TBC1D30: variants seen among roughly 807,000 people sequenced by gnomAD.
TBC1D30 encodes TBC1 domain family, member 30.
A neutral mutation model predicts 63.2 loss-of-function variants in TBC1D30; 31 were observed. That is an observed-to-expected ratio of 0.49 (90% confidence interval 0.37 to 0.66). The LOEUF (loss-of-function observed/expected upper bound fraction) is 0.66, where lower values mean the gene tolerates loss of function less well. TBC1D30 is among the 30% of genes least tolerant of loss of function. TBC1D30 has a pLI of 0.00. For missense variants in TBC1D30, 810 were observed against 953.6 expected (o/e 0.85, Z 1.98); for synonymous variants, 307 against 361.5 (o/e 0.85, Z 1.71).
At position 64,799,078 on chromosome 12, in the gene TBC1D30, G is replaced by C. The variant is rs147707169; in HGVS notation, c.643+13033G>C. 1.2e-3 allele frequency among the ~76,000 whole-genome samples: 190 copies of C among 152,194 alleles called. 4 individuals carry two copies. In the East Asian group the frequency reaches 0.03, roughly 24 times the overall value. ...CCTGCCCGCCTCGGCCTCCCAAAGT[G>C]CTGGGATCAGGCACCTTTCTTAAGA... On this transcript the variant is annotated intron_variant, in intron 2 of 12. Coordinates refer to the TBC1D30 transcript ENST00000542120.
intron 2 of TBC1D30, among the ~76,000 whole-genome samples, chr12:64,817,619 T>C (rs567885843): frequency 7.2e-5 from 11 of 152,352 alleles, no homozygotes; most frequent in African/African-American, 2.2e-4. Context: ...TCTCTCTCCT[T>C]TTCCGGTACT....
In TBC1D30 at chr12:64,838,750, C is replaced by T. The variant is rs1875585854; in HGVS notation, c.831C>T (p.Cys277=). 3.3e-6 allele frequency: 5 copies of T among 1,536,398 alleles called. No homozygotes were observed. The highest frequency in any genetic ancestry group is 4.4e-6 in the Non-Finnish European group (5 of 1,147,000). ...GGTTTCTGACTCTCTTTGCCACATG[C>T]CTCCCTAATCAGACCGTTTTAAAGA... ...MQWFLTLFAT[C]LPNQTVLKIW... is the part of the protein sequence containing the mutation. The change falls in exon 7 of 12, where the codon TGC becomes TGT. Residue 277 remains cysteine, a synonymous_variant. Coordinates refer to ENST00000539867, the MANE Select transcript of TBC1D30 (RefSeq NM_015279.2).
chr12:64,869,751 T>C (rs1022517009), intron 10 of TBC1D30, among the ~76,000 whole-genome samples: 3 of 152,214 alleles, frequency 2.0e-5, no homozygotes, highest in Admixed American at 6.5e-5. Context: ...TTTAATTTTC[T>C]TCTCCTTACA....
At chr12:64,831,980 A>C in intron 4 of TBC1D30, 139 bp from the exon 5 acceptor site, 1 of 680,314 alleles carries the variant, frequency 1.5e-6, no homozygotes, top group Non-Finnish European at 2.2e-6. Flanking sequence ...ATTTTGGCTC[A>C]TATGTATAAA....
chr12:64,833,312 A>G (rs1252144513), intron 5 of TBC1D30, among the ~76,000 whole-genome samples: 10 of 152,166 alleles, frequency 6.6e-5, no homozygotes, highest in Non-Finnish European at 1.5e-4. Flanking sequence ...GAGATGGGGC[A>G]CTAGTGATTT....
intron 10 of TBC1D30, 141 bp from the exon 11 acceptor site, chr12:64,870,461 A>G (rs1878564198): frequency 1.5e-6 from 1 of 661,800 alleles, no homozygotes; most frequent in African/African-American, 1.8e-5. Context: ...AGCACTAGAC[A>G]AACTCTAGTA....
intron 1 of TBC1D30, among the ~76,000 whole-genome samples, chr12:64,767,407 C>T (rs777325086): frequency 7.2e-5 from 11 of 151,920 alleles, no homozygotes; most frequent in African/African-American, 1.5e-4. Context: ...TTAGTCCTGA[C>T]GCTGTGGCCA....
upstream of TBC1D30, among the ~76,000 whole-genome samples, chr12:64,821,031 A>G (rs1487097339): frequency 6.6e-6 from 1 of 152,244 alleles, no homozygotes; most frequent in African/African-American, 2.4e-5. Context: ...TCCTTTTGCA[A>G]GCAAACAAGC....
chr12:64,866,929 T>C (rs1878269010), intron 10 of TBC1D30, 26 bp downstream of exon 10: 1 of 1,535,154 alleles, frequency 6.5e-7, no homozygotes, highest in Non-Finnish European at 8.7e-7. Context: ...TTGATTTAGA[T>C]TATCATGATG....
Position 64,875,267 on chromosome 12 carries a change from G to A in TBC1D30, c.1765G>A (p.Val589Ile), listed in dbSNP as rs939875. The A allele has an allele frequency of 0.064, 98,885 of 1,536,148 alleles. 17,456 individuals carry two copies. In the African/African-American group the frequency reaches 0.66, roughly 10 times the overall value. Residue 589 changes from valine (V) to isoleucine (I), a missense_variant, in exon 12 of 12, where the codon GTA (valine) becomes ATA (isoleucine). Val to Ile is a conservative substitution (Grantham distance 29). Around this residue, in one of 4 missense-constraint regions of TBC1D30, gnomAD observed 450 missense variants for 473.0 expected, o/e 0.95. Coordinates refer to ENST00000539867, the MANE Select transcript of TBC1D30 (RefSeq NM_015279.2). ...GAGTCATCCGGGCTGTGGGGACACC[G>A]TAGGGCTGATAGATGAGCAGAACGA... ...TKSHPGCGDT[V>I]GLIDEQNEAS...
chr12:64,818,465 T>C, intron 2 of TBC1D30: 1 of 922,386 alleles, frequency 1.1e-6, no homozygotes, highest in Non-Finnish European at 1.3e-6. Flanking sequence ...GACAGTCTCG[T>C]GCTGTTGCCA....
intron 4 of TBC1D30, among the ~76,000 whole-genome samples, 167 bp from the exon 5 acceptor site, chr12:64,831,952 A>G (rs1211157017): frequency 6.6e-6 from 1 of 152,222 alleles, no homozygotes; most frequent in Non-Finnish European, 1.5e-5. Flanking sequence ...ATATTATGAA[A>G]AAGAAAGCTA....
intron 1 of TBC1D30, among the ~76,000 whole-genome samples, chr12:64,782,441 C>G (rs1483784106): frequency 6.6e-6 from 1 of 151,704 alleles, no homozygotes; most frequent in Non-Finnish European, 1.5e-5. Context: ...CCAGGTTCCT[C>G]CCCCTGCCTG....
chr12:64,828,233 T>C (rs1274933754), intron 2 of TBC1D30, among the ~76,000 whole-genome samples: 1 of 152,194 alleles, frequency 6.6e-6, no homozygotes, highest in East Asian at 1.9e-4. Flanking sequence ...TGCAAAGGGG[T>C]CACAGATGTG....
intron 3 of TBC1D30, 38 bp from the exon 4 acceptor site, chr12:64,830,339 C>A (rs1433963076): frequency 3.4e-6 from 5 of 1,491,738 alleles, no homozygotes; most frequent in Non-Finnish European, 4.5e-6. Context: ...GTTATATATT[C>A]TACTTTGGCA....
At chr12:64,763,060 A>G (rs562667108) in intron 1 of TBC1D30, among the ~76,000 whole-genome samples, 3 of 152,210 alleles carry the variant, frequency 2.0e-5, no homozygotes, top group Admixed American at 2.0e-4. Flanking sequence ...GGTTCAAGCA[A>G]TTCTCCTGCC....
At chr12:64,779,009 T>C (rs370828460), upstream of TBC1D30, 3 of 152,220 alleles carry the variant, frequency 2.0e-5, no homozygotes, top group Non-Finnish European at 2.9e-5. Context: ...GAAGTTCTTA[T>C]TAACTTAGAA....
chr12:64,837,484 C>T (rs992523666), intron 6 of TBC1D30, among the ~76,000 whole-genome samples: 1 of 151,674 alleles, frequency 6.6e-6, no homozygotes, highest in Non-Finnish European at 1.5e-5. Context: ...ATAAGGAGCG[C>T]GAAACCTAGA....
intron 8 of TBC1D30, among the ~76,000 whole-genome samples, chr12:64,855,555 A>G (rs1273413979): frequency 1.3e-5 from 2 of 152,104 alleles, no homozygotes; most frequent in South Asian, 2.1e-4. Context: ...GTATTTTCAT[A>G]TAGCCTGTCT....
Sources: allele counts gnomAD v4.1 joint callset (sites outside exome capture counted in the v4.1 genomes callset), GRCh38; gene constraint gnomAD v4.1.1; regional missense constraint gnomAD v4.1.1; transcripts MANE v1.5; gene names NCBI Gene and HGNC (gene_info 2026-07-23, HGNC 2026-07-21).